Variants in CFAP100 observed in about 807,000 individuals in gnomAD.
CFAP100 encodes the protein cilia- and flagella-associated protein 100.
CFAP100 carries 70 observed loss-of-function variants against 81.5 expected under a neutral mutation model. The ratio of observed to expected loss-of-function variants is 0.86; its 90% CI spans 0.71 to 1.05. The LOEUF is 1.05. CFAP100 is among the 50% of genes least tolerant of loss of function. The pLI is 0.00. For missense variants in CFAP100, 811 were observed against 776.5 expected (o/e 1.04, Z -0.53); for synonymous variants, 341 against 314.8 (o/e 1.08, Z -0.88).
At chr3:126,422,871 A>G (rs1461658187) in intron 11 of CFAP100, among the ~76,000 whole-genome samples, 2 of 152,144 alleles carry the variant, frequency 1.3e-5, no homozygotes, top group African/African-American at 4.8e-5. Context: ...GCAGGTGCAG[A>G]GGCCTGGGGT....
At chr3:126,413,967 C>A in intron 3 of CFAP100, 118 bp from the exon 4 acceptor site, 1 of 742,572 alleles carries the variant, frequency 1.3e-6, no homozygotes, top group South Asian at 1.5e-5. Context: ...CCAGGGGGAA[C>A]CTTCCCACTC....
chr3:126,420,214 G>A lies in CFAP100; in HGVS notation c.1067G>A (p.Gly356Asp), dbSNP rs756023195. Residue 356 changes from glycine (G) to aspartate (D), a missense_variant, in exon 11 of 17, where the codon GGT becomes GAT. By Grantham distance (94) the Gly-to-Asp change is moderately conservative. Transcript: ENST00000352312. ...GGCAGCCAGCCCAGCGAGTCCAGCG[G>A]TGGCGACTCCAGAGGGTGAGTGGGC... Reference protein sequence around the residue: ...QQGSQPSESSGGDSRGSNSPI... With the variant: ...QQGSQPSESSDGDSRGSNSPI... The A allele has an allele frequency of 6.2e-7, 1 of 1,612,432 alleles. No homozygotes were observed. The highest frequency in any genetic ancestry group is 8.5e-7 in the Non-Finnish European group (1 of 1,179,976).
intron 13 of CFAP100, among the ~76,000 whole-genome samples, chr3:126,425,182 G>A (rs528935591): frequency 3.2e-4 from 49 of 152,326 alleles, no homozygotes; most frequent in South Asian, 2.5e-3. Flanking sequence ...GCATGCAAAC[G>A]TAAACCTCAT....
intron 13 of CFAP100, among the ~76,000 whole-genome samples, chr3:126,425,951 T>G (rs1576643696): frequency 6.6e-6 from 1 of 152,246 alleles, no homozygotes; most frequent in Admixed American, 6.5e-5. Flanking sequence ...ACATCTTACC[T>G]AATGAAACAA....
intron 3 of CFAP100, 50 bp from the exon 4 acceptor site, chr3:126,414,035 C>A: frequency 7.2e-7 from 1 of 1,389,148 alleles, no homozygotes; most frequent in Non-Finnish European, 1.0e-6. Flanking sequence ...ACAGAGACCA[C>A]CGCCTGGAAG....
At chr3:126,409,316 G>A (rs2083118680) in intron 3 of CFAP100, among the ~76,000 whole-genome samples, 2 of 152,218 alleles carry the variant, frequency 1.3e-5, no homozygotes, top group South Asian at 4.1e-4. Context: ...CCACATTGCT[G>A]CACCTAGCCA....
chr3:126,423,649 G>C lies in CFAP100; in HGVS notation c.1286+5G>C. On this transcript the variant is annotated splice_donor_5th_base_variant and intron_variant, in intron 13 of 16. Transcript: ENST00000352312. ...GAAACACACCCAGATCCGCATGTAG[G>C]TGCTATGCGGTGGCCAGTGGGGGCT... The C allele has an allele frequency of 6.2e-7, 1 of 1,614,090 alleles. No individual in the cohort carries two copies.
chr3:126,436,205 T>A (rs1197949025), intron 16 of CFAP100, 86 bp from the exon 17 acceptor site: 5 of 1,003,454 alleles, frequency 5.0e-6, no homozygotes, highest in African/African-American at 1.6e-5. Context: ...CTGGAGCTGC[T>A]GGGCCTCTCC....
chr3:126,396,647 A>C (rs2107578448), intron 2 of CFAP100: 1 of 152,684 alleles, frequency 6.5e-6, no homozygotes, highest in South Asian at 2.1e-4. Flanking sequence ...AGTTCAACCC[A>C]CAACAGACCA....
At chr3:126,427,367 T>G (rs1932995465) in intron 13 of CFAP100, among the ~76,000 whole-genome samples, 1 of 152,234 alleles carries the variant, frequency 6.6e-6, no homozygotes, top group African/African-American at 2.4e-5. Context: ...CCGTACACTC[T>G]GAGGTAATAA....
chr3:126,422,380 A>ATC (rs1466652555), intron 11 of CFAP100, among the ~76,000 whole-genome samples: 2 of 152,232 alleles, frequency 1.3e-5, no homozygotes, highest in Non-Finnish European at 2.9e-5. Flanking sequence ...ATCTGCTGTC[A>ATC]GAGTCCCACA....
intron 2 of CFAP100, among the ~76,000 whole-genome samples, chr3:126,401,397 T>TTCTATATA (rs869308239): frequency 1.3e-5 from 1 of 76,188 alleles, no homozygotes; most frequent in Non-Finnish European, 2.7e-5. Flanking sequence ...AAATCGTATT[T>TTCTATATA]TATATATATA....
At chr3:126,430,943 C>T (rs1933196914) in intron 13 of CFAP100, among the ~76,000 whole-genome samples, 1 of 152,094 alleles carries the variant, frequency 6.6e-6, no homozygotes, top group African/African-American at 2.4e-5. Context: ...GGAGGCTTAT[C>T]AGGTTCCTTT....
At chr3:126,432,987 A>G (rs1933290031) in intron 13 of CFAP100, 82 bp from the exon 14 acceptor site, 2 of 1,537,720 alleles carry the variant, frequency 1.3e-6, no homozygotes, top group Non-Finnish European at 1.8e-6. Context: ...GGGGCAAAGC[A>G]CTGTACAGAC....
At chr3:126,405,337 G>C (rs1255021770) in intron 2 of CFAP100, among the ~76,000 whole-genome samples, 2 of 152,224 alleles carry the variant, frequency 1.3e-5, no homozygotes, top group Non-Finnish European at 2.9e-5. Flanking sequence ...GCATATAAGT[G>C]TATGTGTGCA....
intron 13 of CFAP100, 149 bp from the exon 14 acceptor site, chr3:126,432,920 C>T (rs1445677290): frequency 7.5e-6 from 5 of 665,086 alleles, no homozygotes; most frequent in Non-Finnish European, 9.3e-6. Flanking sequence ...ATTTCTGACC[C>T]CCTGGGCATG....
At chr3:126,435,715 G>C (rs958694042) in intron 16 of CFAP100, 63 bp downstream of exon 16, 2 of 1,339,108 alleles carry the variant, frequency 1.5e-6, no homozygotes, top group South Asian at 1.3e-5. Flanking sequence ...TGGCAGCTGA[G>C]GTCCTGCAGC....
intron 5 of CFAP100, chr3:126,418,169 G>A: frequency 2.5e-6 from 1 of 405,804 alleles, no homozygotes; most frequent in Non-Finnish European, 4.5e-6. Context: ...GGGGTGTCCA[G>A]AGCCTTACTG....
rs1020265058 is a variant in CFAP100, at chr3:126,396,434, T to G, written c.49+385T>G. 5.5e-5 allele frequency: 11 copies of G among 199,066 alleles called. No homozygotes were observed. The East Asian group carries it at 1.5e-3, about 27-fold the overall frequency. 12.3% of individuals were successfully genotyped at this position (199,066 alleles called of 1,614,324 possible). A position where few individuals can be genotyped will look rare whatever the true frequency, so the allele number is the denominator to read the frequency against. The stretch of plus-strand genomic sequence containing the variant: ...AGCATCACTCCCATCTCAGCCTTCC[T>G]GCCCATGTGGAATTCTGCCTGTGTG... On this transcript the variant is annotated intron_variant, in intron 2 of 16. Transcript: ENST00000352312.
Sources: gnomAD v4.1 joint callset for allele counts (sites outside exome capture counted in the v4.1 genomes callset) on GRCh38, gnomAD v4.1.1 for gene constraint, MANE v1.5 for transcripts, NCBI Gene and HGNC (gene_info 2026-07-23, HGNC 2026-07-21) for gene names.